ACTR3C: variants seen among roughly 807,000 people sequenced by gnomAD.
ACTR3C encodes the protein actin-related protein 3C.
Under a neutral mutation model 26.3 loss-of-function variants are expected in ACTR3C, and 18 were observed. The ratio of observed to expected loss-of-function variants is 0.68; its 90% confidence interval spans 0.47 to 1.01. ACTR3C has a LOEUF of 1.01. ACTR3C is among the 50% of genes least tolerant of loss of function. ACTR3C has a pLI of 0.00. For synonymous variants in ACTR3C, 55 were observed against 94.5 expected, an observed-to-expected ratio of 0.58 and a Z score of 2.42; for missense variants, 184 against 250.7, an observed-to-expected ratio of 0.73 and a Z score of 1.80.
At chr7:149,941,235 C>T in the ACTR3C span, among the ~76,000 whole-genome samples, 34,188 of 151,820 alleles carry the variant, frequency 0.23, 5,846 homozygotes, top group African/African-American at 0.48. Flanking sequence ...TGGAAGTTTA[C>T]ACTCACTGCA....
chr7:150,173,144 T>G, the ACTR3C span, among the ~76,000 whole-genome samples: 1 of 150,350 alleles, frequency 6.7e-6, no homozygotes, highest in Non-Finnish European at 1.5e-5. Flanking sequence ...GGACTCTGTG[T>G]GGGGGCTCCG....
chr7:150,157,356 A>T, the ACTR3C span, among the ~76,000 whole-genome samples: 12 of 151,226 alleles, frequency 7.9e-5, no homozygotes, highest in African/African-American at 2.9e-4. Context: ...ACACATGAAT[A>T]ATTTCTACAC....
At chr7:150,104,421 A>G in the ACTR3C span, among the ~76,000 whole-genome samples, 133,998 of 151,738 alleles carry the variant, frequency 0.88, 59,503 homozygotes, top group African/African-American at 0.96. Context: ...CATCCTAAGT[A>G]AATTTGTATC....
chr7:150,286,947 C>T (rs1004678010), intron 4 of ACTR3C, among the ~76,000 whole-genome samples: 5 of 152,242 alleles, frequency 3.3e-5, no homozygotes, highest in South Asian at 2.1e-4. Context: ...GCTCAACTAC[C>T]GAGTGCGGCA....
At chr7:149,914,994 C>T in the ACTR3C span, among the ~76,000 whole-genome samples, 1 of 151,720 alleles carries the variant, frequency 6.6e-6, no homozygotes, top group East Asian at 1.9e-4. Context: ...ATTCTTCTGC[C>T]TCAGCCTCCT....
chr7:149,884,309 C>T, the ACTR3C span, among the ~76,000 whole-genome samples: 3 of 152,132 alleles, frequency 2.0e-5, no homozygotes, highest in Admixed American at 2.0e-4. Flanking sequence ...ATTTAGGCCA[C>T]ATACTGGGTT....
chr7:150,035,260 C>G, the ACTR3C span, among the ~76,000 whole-genome samples: 48 of 74,826 alleles, frequency 6.4e-4, no homozygotes, highest in East Asian at 2.0e-3. Context: ...GAACCAGGGG[C>G]TGGCTCTCAG....
the ACTR3C span, among the ~76,000 whole-genome samples, chr7:150,037,454 G>A: frequency 6.8e-5 from 4 of 58,488 alleles, no homozygotes; most frequent in East Asian, 9.1e-4. Flanking sequence ...TGCCTCGCGG[G>A]GGGTGCCTCC....
chr7:150,238,949 T>C (rs1220856243), downstream of ACTR3C, among the ~76,000 whole-genome samples: 12 of 148,976 alleles, frequency 8.1e-5, 1 homozygote, highest in Admixed American at 7.9e-4. Flanking sequence ...ACAAAGTCCA[T>C]TCATTGTCTA....
chr7:149,886,677 C>G, the ACTR3C span, among the ~76,000 whole-genome samples: 1 of 152,162 alleles, frequency 6.6e-6, no homozygotes, highest in South Asian at 2.1e-4. Context: ...GATAAACAGC[C>G]AGACACAGTT....
the ACTR3C span, among the ~76,000 whole-genome samples, chr7:150,033,961 G>A: frequency 6.7e-6 from 1 of 149,262 alleles, no homozygotes; most frequent in East Asian, 2.1e-4. Flanking sequence ...AGCGAGGGGG[G>A]GAAGGGGGAC....
At chr7:150,228,687 A>G in the ACTR3C span, among the ~76,000 whole-genome samples, 4 of 152,074 alleles carry the variant, frequency 2.6e-5, no homozygotes, top group Non-Finnish European at 5.9e-5. Context: ...TGGTTCAGGC[A>G]GACTGTATTT....
At chr7:150,091,650 G>C in the ACTR3C span, among the ~76,000 whole-genome samples, 1 of 111,502 alleles carries the variant, frequency 9.0e-6, no homozygotes, top group Admixed American at 1.0e-4. Flanking sequence ...ATTTTCTCTG[G>C]GGGGTGGCTA....
At chr7:150,047,579 C>T in the ACTR3C span, 1 of 1,051,490 alleles carries the variant, frequency 9.5e-7, no homozygotes. Context: ...GAGCCCCCGC[C>T]GCCGTCCCCC....
At chr7:150,208,358 A>G in the ACTR3C span, among the ~76,000 whole-genome samples, 9,144 of 152,204 alleles carry the variant, frequency 0.06, 881 homozygotes, top group African/African-American at 0.21. Context: ...AGAACAGGGC[A>G]CGCATGAGAG....
At chr7:150,149,224 T>C in the ACTR3C span, among the ~76,000 whole-genome samples, 1 of 151,466 alleles carries the variant, frequency 6.6e-6, no homozygotes, top group East Asian at 1.9e-4. Context: ...TGATTTGTAG[T>C]ATATTTTAGG....
At chr7:149,886,041 G>C in the ACTR3C span, among the ~76,000 whole-genome samples, 4 of 152,250 alleles carry the variant, frequency 2.6e-5, no homozygotes, top group Non-Finnish European at 5.9e-5. Flanking sequence ...CTGCCTCATA[G>C]AAGTTGTGCA....
the ACTR3C span, among the ~76,000 whole-genome samples, chr7:149,898,635 G>A: frequency 6.6e-6 from 1 of 150,944 alleles, no homozygotes; most frequent in Admixed American, 6.6e-5. Flanking sequence ...TTGAACCCAG[G>A]AGGTGGAGGT....
downstream of ACTR3C, chr7:150,245,600 A>G (rs934393979): frequency 2.0e-4 from 31 of 152,206 alleles, no homozygotes; most frequent in African/African-American, 7.2e-4. Context: ...TGGGAATTGT[A>G]ATTTCTGTGT....
Sources: gnomAD v4.1 joint callset for allele counts (sites outside exome capture counted in the v4.1 genomes callset) on GRCh38, gnomAD v4.1.1 for gene constraint, MANE v1.5 for transcripts, NCBI Gene and HGNC (gene_info 2026-07-23, HGNC 2026-07-21) for gene names.